TACC1: variants seen among roughly 807,000 people sequenced by gnomAD.
TACC1 encodes the protein transforming acidic coiled-coil containing protein 1.
Under a neutral mutation model 84.4 loss-of-function variants are expected in TACC1, and 48 were observed. The ratio of observed to expected loss-of-function variants is 0.57; its 90% CI spans 0.45 to 0.72. TACC1 has a LOEUF of 0.72. TACC1 is among the 30% of genes least tolerant of loss of function. TACC1 has a pLI of 0.00. For missense variants in TACC1, 920 were observed against 973.0 expected (o/e 0.95, Z 0.72); for synonymous variants, 372 against 376.3 (o/e 0.99, Z 0.13).
At chr8:38,808,789 T>G (rs528847149) in intron 2 of TACC1, among the ~76,000 whole-genome samples, 1 of 152,316 alleles carries the variant, frequency 6.6e-6, no homozygotes, top group Non-Finnish European at 1.5e-5. Context: ...TAAATGCAAA[T>G]AGAATCTTAC....
intron 1 of TACC1, among the ~76,000 whole-genome samples, chr8:38,735,501 G>A (rs981576677): frequency 6.6e-6 from 1 of 152,128 alleles, no homozygotes; most frequent in Non-Finnish European, 1.5e-5. Context: ...TTAGAGGGAG[G>A]GGAGTGTGTC....
chr8:38,772,155 G>A (rs1219186038), intron 3 of TACC1, among the ~76,000 whole-genome samples: 1 of 152,154 alleles, frequency 6.6e-6, no homozygotes, highest in South Asian at 2.1e-4. Flanking sequence ...GCAGTCCTTG[G>A]TGGTGGCTTA....
In TACC1 at chr8:38,819,872, GAAGCTGATCTAA is replaced by G; in HGVS notation, c.635_646del (p.Asp212_Ala215del). On this transcript the variant is annotated inframe_deletion, in exon 3 of 13. Coordinates refer to ENST00000317827, the MANE Select transcript of TACC1 (RefSeq NM_006283.3). Reference sequence around the variant, plus strand: ...GGGGGTCACCCTCGAGGCCTCCGCAGAAGCTGATCTAAAAGCTGGCAACTCCTGTCCAGAGCT... The same window carrying G: ...GGGGGTCACCCTCGAGGCCTCCGCAGAAGCTGGCAACTCCTGTCCAGAGCT... 1 of 1,614,002 alleles carries G rather than the reference GAAGCTGATCTAA, an allele frequency of 6.2e-7. No individual in the cohort carries two copies. The highest frequency in any genetic ancestry group is 8.5e-7 in the Non-Finnish European group (1 of 1,180,040).
intron 3 of TACC1, among the ~76,000 whole-genome samples, chr8:38,758,904 G>A (rs989356765): frequency 2.0e-5 from 3 of 151,976 alleles, no homozygotes; most frequent in African/African-American, 4.8e-5. Context: ...AGCTCATGCC[G>A]CAGCCGCCTC....
Position 38,843,302 on chromosome 8 carries a change from T to A in TACC1, c.2135T>A (p.Leu712Ter). 6.3e-7 allele frequency: 1 copy of A among 1,596,082 alleles called. No individual in the cohort carries two copies. The highest frequency in any genetic ancestry group is 1.1e-5 in the South Asian group (1 of 87,110). Residue 712 changes from leucine (L) to a stop codon, truncating the protein, a stop_gained, in exon 11 of 13, where the codon TTG becomes TAG. Coordinates refer to ENST00000317827, the MANE Select transcript of TACC1 (RefSeq NM_006283.3). LOFTEE classifies it high-confidence loss of function. ...GCTTTGGAACAGAATGAAGAAGCCTTGAAGAAATGTGCTCAGGATTACTTA... is the reference window on the plus strand; with the variant it reads ...GCTTTGGAACAGAATGAAGAAGCCTAGAAGAAATGTGCTCAGGATTACTTA... The part of the protein sequence containing the change: ...LEGFKKNEEA[L>*]KKCAQDYLAR...
At chr8:38,838,165 C>T (rs774418840) in intron 7 of TACC1, among the ~76,000 whole-genome samples, 6 of 152,222 alleles carry the variant, frequency 3.9e-5, no homozygotes, top group Non-Finnish European at 8.8e-5. Context: ...CTGTCCCAGT[C>T]AGGGCCTGGC....
chr8:38,799,505 T>A (rs1286986568), intron 2 of TACC1: 2 of 152,200 alleles, frequency 1.3e-5, no homozygotes, highest in African/African-American at 2.4e-5. Flanking sequence ...CCAAGAAGTT[T>A]TAGCAGCAAA....
At chr8:38,819,228 T>C (rs545588569) in intron 2 of TACC1, among the ~76,000 whole-genome samples, 299 of 152,360 alleles carry the variant, frequency 2.0e-3, no homozygotes, top group Non-Finnish European at 3.7e-3. Context: ...TAATAATACA[T>C]TGCAGCAGAC....
At chr8:38,784,483 G>A (rs1448432865), upstream of TACC1, among the ~76,000 whole-genome samples, 2 of 151,854 alleles carry the variant, frequency 1.3e-5, no homozygotes, top group African/African-American at 4.8e-5. Context: ...AGGGAGAATC[G>A]CTTGAACCCA....
rs1351439106 is a variant in TACC1 at position 38,850,009 on chromosome 8, T to C, written c.*1986T>C. ...GTGTTTTGGTGTTTTCATGTTTACT[T>C]GTTTTATATTGATCTGTTTTAAGTA... On this transcript the variant is annotated 3_prime_UTR_variant, in exon 13 of 13. Coordinates refer to ENST00000317827, the MANE Select transcript of TACC1 (RefSeq NM_006283.3). The C allele has an allele frequency of 1.3e-5, 2 of 152,684 alleles. No homozygotes were observed. Among genetic ancestry groups the C allele is most frequent in the Non-Finnish European group, 2.9e-5 (2 of 68,040 alleles). The allele number at this position is 152,684 out of a possible 1,614,324, so 9.5% of individuals were successfully genotyped here.
At chr8:38,786,386 G>C (rs765533012), upstream of TACC1, among the ~76,000 whole-genome samples, 2 of 152,188 alleles carry the variant, frequency 1.3e-5, no homozygotes, top group Non-Finnish European at 2.9e-5. Context: ...CAAAGACTTA[G>C]AAGTTACGAA....
intron 4 of TACC1, 72 bp downstream of exon 4, chr8:38,825,440 C>G: frequency 6.4e-7 from 1 of 1,557,164 alleles, no homozygotes; most frequent in Non-Finnish European, 8.9e-7. Context: ...ATCCCCCTGG[C>G]GGGTGGTTCA....
intron 3 of TACC1, among the ~76,000 whole-genome samples, chr8:38,748,395 C>A (rs1204948911): frequency 1.3e-5 from 2 of 151,936 alleles, no homozygotes; most frequent in Admixed American, 6.6e-5. Context: ...GATAGAGTAA[C>A]CAACAAAAAA....
chr8:38,818,788 T>C (rs561180622), intron 2 of TACC1, among the ~76,000 whole-genome samples: 7 of 152,124 alleles, frequency 4.6e-5, no homozygotes, highest in Non-Finnish European at 2.9e-5. Flanking sequence ...GCTTTTTTTT[T>C]TTCTTCTTTT....
chr8:38,787,030 C>G (rs1373574855), upstream of TACC1, among the ~76,000 whole-genome samples: 1 of 151,724 alleles, frequency 6.6e-6, no homozygotes, highest in African/African-American at 2.4e-5. Flanking sequence ...CGAATCTCCC[C>G]GCGCAGCCGG....
intron 3 of TACC1, among the ~76,000 whole-genome samples, chr8:38,745,927 C>T (rs921203453): frequency 2.0e-5 from 3 of 152,210 alleles, no homozygotes; most frequent in Admixed American, 6.5e-5. Context: ...CTCACTGCAG[C>T]TTTAAACTCC....
At position 38,820,623 on chromosome 8, in the gene TACC1, C is replaced by T. The variant is rs770333115; in HGVS notation, c.1379C>T (p.Ser460Leu). 7.0e-5 allele frequency: 112 copies of T among 1,605,772 alleles called. No individual in the cohort carries two copies. In the East Asian group the frequency reaches 1.8e-3, roughly 26 times the overall value. The change falls in exon 3 of 13, where the codon TCG becomes TTG. Residue 460 changes from serine (S) to leucine (L), a missense_variant. Ser to Leu is a moderately radical substitution (Grantham distance 145, BLOSUM62 -2). Coordinates refer to ENST00000317827, the MANE Select transcript of TACC1 (RefSeq NM_006283.3). ...EILESPKKAKSRLITSGCKVK... is the reference protein window; with the variant it reads ...EILESPKKAKLRLITSGCKVK... ...TTAGAATCACCCAAGAAGGCAAAGT[C>T]GCGTTTAATAACGTGAGTGACAGTG...
intron 3 of TACC1, among the ~76,000 whole-genome samples, chr8:38,763,252 C>G (rs1811567156): frequency 6.6e-6 from 1 of 152,018 alleles, no homozygotes; most frequent in Non-Finnish European, 1.5e-5. Flanking sequence ...TGGGCTGAAA[C>G]AATCCTCACA....
rs770392454 is a variant in TACC1 at position 38,787,534 on chromosome 8, C to G, written c.-49C>G. Reference sequence around the variant, plus strand: ...CATTTTGAAAGGGAAAAAGGCTCTCCCCACCCATTCCCCTGCCCCTAGGAG... The same window carrying G: ...CATTTTGAAAGGGAAAAAGGCTCTCGCCACCCATTCCCCTGCCCCTAGGAG... On this transcript the variant is annotated 5_prime_UTR_variant, in exon 1 of 13. Coordinates refer to ENST00000317827, the MANE Select transcript of TACC1 (RefSeq NM_006283.3). The G allele has an allele frequency of 5.4e-6, 8 of 1,482,696 alleles. No individual in the cohort carries two copies. Among genetic ancestry groups the G allele is most frequent in the Non-Finnish European group, 7.1e-6 (8 of 1,121,374 alleles). 91.8% of individuals were successfully genotyped at this position (1,482,696 alleles called of 1,614,324 possible). A position where few individuals can be genotyped will look rare whatever the true frequency, so the allele number is the denominator to read the frequency against.
Sources: gnomAD v4.1 joint callset for allele counts (sites outside exome capture counted in the v4.1 genomes callset) on GRCh38, gnomAD v4.1.1 for gene constraint, MANE v1.5 for transcripts, NCBI Gene and HGNC (gene_info 2026-07-23, HGNC 2026-07-21) for gene names.